Variants in GDPD5 observed in about 807,000 individuals in gnomAD.
GDPD5 encodes glycerophosphodiester phosphodiesterase 2.
GDPD5 carries 48 observed loss-of-function variants against 75.1 expected under a neutral mutation model. The observed-to-expected ratio is 0.64, with a 90% CI of 0.51 to 0.81. The LOEUF (loss-of-function observed/expected upper bound fraction) is 0.81, where lower values mean the gene tolerates loss of function less well. Ranked by LOEUF, GDPD5 falls within the 40% of genes least tolerant of loss-of-function variation. The pLI, the probability that GDPD5 is intolerant of heterozygous loss-of-function variation, is 0.00. For synonymous variants in GDPD5, 336 were observed against 339.0 expected (o/e 0.99, Z 0.10); for missense variants, 706 against 822.6 (o/e 0.86, Z 1.73).
chr11:75,482,003 C>G (rs930906312), intron 2 of GDPD5, among the ~76,000 whole-genome samples: 1 of 152,104 alleles, frequency 6.6e-6, no homozygotes, highest in Admixed American at 6.5e-5. Context: ...TGAGGTACAA[C>G]AGGTGGACAT....
chr11:75,472,671 T>C (rs1405661874), intron 3 of GDPD5, among the ~76,000 whole-genome samples: 1 of 152,122 alleles, frequency 6.6e-6, no homozygotes, highest in Non-Finnish European at 1.5e-5. Context: ...AAGATGGCAG[T>C]CACATCCCCT....
chr11:75,440,818 A>G (rs983565713), intron 14 of GDPD5, among the ~76,000 whole-genome samples: 11 of 152,114 alleles, frequency 7.2e-5, no homozygotes, highest in Admixed American at 5.2e-4. Flanking sequence ...TCTGCTTCCC[A>G]AAATGCTGGG....
At chr11:75,476,435 C>T (rs569019090) in intron 3 of GDPD5, among the ~76,000 whole-genome samples, 1 of 151,334 alleles carries the variant, frequency 6.6e-6, no homozygotes, top group Admixed American at 6.6e-5. Flanking sequence ...AGAGGATGCA[C>T]CACCAAAACC....
intron 1 of GDPD5, chr11:75,516,115 C>T (rs1950634249): frequency 1.3e-5 from 2 of 152,284 alleles, no homozygotes; most frequent in Admixed American, 1.3e-4. Flanking sequence ...TAATGGGCTC[C>T]ATGCTGCTGG....
At chr11:75,458,697 TAAAA>T (rs1425434434) in intron 4 of GDPD5, among the ~76,000 whole-genome samples, 1 of 58,144 alleles carries the variant, frequency 1.7e-5, no homozygotes, top group Non-Finnish European at 5.0e-5. Context: ...AATAAATAAA[TAAAA>T]TAAATAAATA....
chr11:75,473,680 C>G (rs1261150796), intron 3 of GDPD5, among the ~76,000 whole-genome samples: 1 of 152,154 alleles, frequency 6.6e-6, no homozygotes, highest in Non-Finnish European at 1.5e-5. Flanking sequence ...CAGGCTCAGG[C>G]CCACTGAGCA....
intron 2 of GDPD5, among the ~76,000 whole-genome samples, chr11:75,488,885 T>C (rs1395078016): frequency 1.3e-5 from 2 of 152,226 alleles, no homozygotes; most frequent in African/African-American, 4.8e-5. Flanking sequence ...CAAGCTTTTC[T>C]GAAGACCTAT....
At position 75,449,104 on chromosome 11, in the gene GDPD5, A is replaced by C; in HGVS notation, c.587T>G (p.Leu196Arg). The C allele has an allele frequency of 6.3e-7, 1 of 1,595,028 alleles. No homozygotes were observed. Among genetic ancestry groups the C allele is most frequent in the South Asian group, 1.1e-5 (1 of 88,236 alleles). ...AERTSSQVTILCTFFTVVFAL... is the reference protein window; with the variant it reads ...AERTSSQVTIRCTFFTVVFAL... ...AAACACCACGGTGAAGAAGGTACAG[A>C]GAATGGTCACCTGGGAGGCTGCAGA... Residue 196 changes from leucine to arginine, a missense_variant, in exon 9 of 17, where the codon CTC (leucine) becomes CGC (arginine). Physicochemically the swap from Leu to Arg is moderately radical, Grantham distance 102 (BLOSUM62 -2). Transcript: ENST00000336898.
Position 75,437,928 on chromosome 11 carries a change from G to A in GDPD5, c.1557-880C>T, listed in dbSNP as rs370306032. The stretch of plus-strand genomic sequence containing the variant: ...CTCTCACCCCTGTCCCCACCAGGAG[G>A]AGGGGGTGATCAACTTGGGAACAAG... On this transcript the variant is annotated intron_variant, in intron 15 of 16. Coordinates refer to ENST00000336898, the MANE Select transcript of GDPD5 (RefSeq NM_030792.8). The A allele has an allele frequency of 3.3e-5, 5 of 152,276 alleles. No homozygotes were observed. The East Asian group carries it at 5.8e-4, about 18-fold the overall frequency. The allele number at this position is 152,276 out of a possible 1,614,324, so 9.4% of individuals were successfully genotyped here.
intron 1 of GDPD5, among the ~76,000 whole-genome samples, chr11:75,521,839 G>A (rs1941469856): frequency 6.6e-6 from 1 of 152,070 alleles, no homozygotes; most frequent in African/African-American, 2.4e-5. Flanking sequence ...CATGTGGTGT[G>A]TTTAGGAGAC....
intron 4 of GDPD5, among the ~76,000 whole-genome samples, chr11:75,461,115 G>A (rs1240899107): frequency 2.0e-5 from 3 of 152,036 alleles, no homozygotes; most frequent in Non-Finnish European, 2.9e-5. Context: ...CTAACTGGTT[G>A]TGTGACCATG....
At chr11:75,455,326 A>G in intron 6 of GDPD5, 1 of 456,070 alleles carries the variant, frequency 2.2e-6, no homozygotes, top group Non-Finnish European at 4.4e-6. Flanking sequence ...ACTCCCTCAC[A>G]GAGGGGATAG....
chr11:75,447,328 T>G (rs1209745388), intron 9 of GDPD5, among the ~76,000 whole-genome samples: 9 of 152,178 alleles, frequency 5.9e-5, no homozygotes, highest in Admixed American at 5.2e-4. Context: ...TGGATTCCAT[T>G]TTAGATAATA....
chr11:75,479,826 G>C (rs556453139), intron 2 of GDPD5, among the ~76,000 whole-genome samples: 2 of 152,198 alleles, frequency 1.3e-5, no homozygotes, highest in Non-Finnish European at 1.5e-5. Context: ...TTTGTGTCTT[G>C]CTTCTTTCAC....
At chr11:75,453,536 T>C (rs1314320527) in intron 6 of GDPD5, among the ~76,000 whole-genome samples, 4 of 150,230 alleles carry the variant, frequency 2.7e-5, no homozygotes, top group Admixed American at 2.0e-4. Flanking sequence ...GAGAATGGGG[T>C]GAACCCAGGA....
At chr11:75,477,894 G>A (rs1041408350) in intron 2 of GDPD5, 99 bp from the exon 3 acceptor site, 3 of 482,748 alleles carry the variant, frequency 6.2e-6, no homozygotes, top group South Asian at 3.9e-5. Flanking sequence ...GGTCACCCCT[G>A]CTCAAAGCAC....
chr11:75,439,743 G>A (rs1948732937), intron 15 of GDPD5, 136 bp downstream of exon 15: 2 of 717,262 alleles, frequency 2.8e-6, no homozygotes, highest in South Asian at 1.5e-5. Flanking sequence ...GGGGCCACCG[G>A]AGTCCGTCCT....
chr11:75,462,908 AG>A lies in GDPD5; in HGVS notation c.118-20del, dbSNP rs779334667. The A allele has an allele frequency of 6.2e-7, 1 of 1,602,388 alleles. No individual in the cohort carries two copies. Among genetic ancestry groups the A allele is most frequent in the East Asian group, 2.2e-5 (1 of 44,662 alleles). ...GCTCCCACTGGAAGAGCAGAGGAGGAGGGGATTAAGTGGGTCAGGGGCCAGC... is the reference window on the plus strand; with the variant it reads ...GCTCCCACTGGAAGAGCAGAGGAGGAGGGATTAAGTGGGTCAGGGGCCAGC... On this transcript the variant is annotated intron_variant, in intron 3 of 16. Transcript: ENST00000336898.
chr11:75,460,708 C>T (rs571508365), intron 4 of GDPD5, among the ~76,000 whole-genome samples: 18 of 152,156 alleles, frequency 1.2e-4, no homozygotes, highest in Middle Eastern at 3.4e-3. Context: ...GGCCTCCCAA[C>T]GTGCTGAGAT....
Sources: allele counts gnomAD v4.1 joint callset (sites outside exome capture counted in the v4.1 genomes callset), GRCh38; gene constraint gnomAD v4.1.1; transcripts MANE v1.5; gene names NCBI Gene and HGNC (gene_info 2026-07-23, HGNC 2026-07-21).